FBXO31: variants seen among roughly 807,000 people sequenced by gnomAD.
FBXO31 encodes F-box protein 31.
FBXO31 carries 24 observed loss-of-function variants against 54.4 expected under a neutral mutation model. The observed-to-expected ratio is 0.44, with a 90% CI of 0.32 to 0.62. The LOEUF is 0.62. Ranked by LOEUF, FBXO31 falls within the 20% of genes least tolerant of loss-of-function variation. The pLI, the probability that FBXO31 is intolerant of heterozygous loss-of-function variation, is 0.05. For synonymous variants in FBXO31, 388 were observed against 335.6 expected (o/e 1.16, Z -1.71); for missense variants, 665 against 787.1 (o/e 0.84, Z 1.86).
Position 87,331,344 on chromosome 16 carries a change from G to A in FBXO31, c.1564C>T (p.Pro522Ser). 1.9e-6 allele frequency: 3 copies of A among 1,614,034 alleles called. No individual in the cohort carries two copies. Among genetic ancestry groups the A allele is most frequent in the Non-Finnish European group, 2.5e-6 (3 of 1,180,040 alleles). ...ATCTCATCGAAGGCCTGTGGGGACG[G>A]CGCATCTGCGTTCCGGAAGGTGGCC... ...VQATFRNADA[P>S]SPQAFDEMLK... Residue 522 changes from proline to serine, a missense_variant, in exon 9 of 9, where the codon CCG becomes TCG. Around this residue, in one of 4 missense-constraint regions of FBXO31, gnomAD observed 71 missense variants for 105.8 expected, o/e 0.67. Coordinates refer to ENST00000311635, the MANE Select transcript of FBXO31 (RefSeq NM_024735.5).
Position 87,334,173 on chromosome 16 carries a change from G to A in FBXO31, c.1110C>T (p.Val370=), listed in dbSNP as rs1329767926. ...GGCGCACCCTCTCGCGCACCTCCAG[G>A]ACGATGCGGGAGAGCTCATTGAAGT... ...QRNFNELSRI[V]LEVRERVRQE... The change falls in exon 8 of 9, where the codon GTC becomes GTT. Residue 370 remains valine (V), a synonymous_variant. Transcript: ENST00000311635. 2 of 1,612,872 alleles carry A rather than the reference G, an allele frequency of 1.2e-6. No homozygotes were observed. Among genetic ancestry groups the A allele is most frequent in the East Asian group, 4.5e-5 (2 of 44,872 alleles).
intron 2 of FBXO31, among the ~76,000 whole-genome samples, chr16:87,348,157 C>A (rs994979451): frequency 6.6e-6 from 1 of 152,188 alleles, no homozygotes; most frequent in Admixed American, 6.5e-5. Flanking sequence ...CACTGCCTCT[C>A]TCCACGACTC....
At chr16:87,391,251 G>A (rs1459590582), upstream of FBXO31, among the ~76,000 whole-genome samples, 3 of 152,116 alleles carry the variant, frequency 2.0e-5, no homozygotes, top group Non-Finnish European at 2.9e-5. Flanking sequence ...AGGCCGCCGC[G>A]AGCTATGATC....
rs760039419 is a variant in FBXO31, at chr16:87,360,280, AATAG to A, written c.412+11_412+14del. The A allele has an allele frequency of 3.7e-6, 6 of 1,612,502 alleles. No homozygotes were observed. In the Admixed American group the frequency reaches 1.0e-4, roughly 27 times the overall value. ...ACAAAGTTAATCATGGATGGTAACA[AATAG>A]ATTCACTCACGCTTCGCATAGACGT... On this transcript the variant is annotated intron_variant, in intron 2 of 8. Transcript: ENST00000311635.
At chr16:87,382,504 C>T (rs117725407) in intron 1 of FBXO31, among the ~76,000 whole-genome samples, 4,812 of 152,296 alleles carry the variant, frequency 0.032, 130 homozygotes, top group Middle Eastern at 0.12. Flanking sequence ...AACATCTCCT[C>T]CTGTGATCTG....
intron 3 of FBXO31, among the ~76,000 whole-genome samples, chr16:87,344,529 G>C (rs534281138): frequency 1.3e-5 from 2 of 152,342 alleles, no homozygotes; most frequent in Admixed American, 1.3e-4. Flanking sequence ...CAGCAACCAA[G>C]GAGAGAATTC....
At chr16:87,372,129 AAGG>A (rs1906630230) in intron 1 of FBXO31, among the ~76,000 whole-genome samples, 1 of 152,074 alleles carries the variant, frequency 6.6e-6, no homozygotes, top group African/African-American at 2.4e-5. Context: ...GAGGCTGAGG[AAGG>A]AGGATCATAT....
At position 87,333,878 on chromosome 16, in the gene FBXO31, A is replaced by G; in HGVS notation, c.1397+8T>C. The G allele has an allele frequency of 6.3e-7, 1 of 1,592,486 alleles. No individual in the cohort carries two copies. The highest frequency in any genetic ancestry group is 8.6e-7 in the Non-Finnish European group (1 of 1,167,268). The stretch of plus-strand genomic sequence containing the variant: ...ACCTTCAGGCCCCAGTACCCGCCGC[A>G]TCCTTACCACATCCTGCAGGTTCGG... On this transcript the variant is annotated splice_region_variant and intron_variant, in intron 8 of 8. Transcript: ENST00000311635.
rs115819786 is a variant in FBXO31 at position 87,328,402 on chromosome 16, C to T, written c.*2886G>A. On this transcript the variant is annotated 3_prime_UTR_variant, in exon 9 of 9. Transcript: ENST00000311635. Reference sequence around the variant, plus strand: ...GGCAGGGATGCCACAGAGCCGCAGGCAGACTGAAGGGGCCCAGGGCATGGT... The same window carrying T: ...GGCAGGGATGCCACAGAGCCGCAGGTAGACTGAAGGGGCCCAGGGCATGGT... 671 of 152,502 alleles carry T rather than the reference C, an allele frequency of 4.4e-3. 7 individuals carry two copies. The highest frequency in any genetic ancestry group is 0.016 in the African/African-American group (646 of 41,554). 9.4% of individuals were successfully genotyped at this position (152,502 alleles called of 1,614,324 possible).
intron 2 of FBXO31, among the ~76,000 whole-genome samples, chr16:87,354,277 G>C (rs1905797157): frequency 6.6e-6 from 1 of 151,944 alleles, no homozygotes; most frequent in African/African-American, 2.4e-5. Flanking sequence ...GTTCCAGACT[G>C]GCCTGGGTAA....
In FBXO31 at chr16:87,329,520, G is replaced by A. The variant is rs372600221; in HGVS notation, c.*1768C>T. 23 of 152,406 alleles carry A rather than the reference G, an allele frequency of 1.5e-4. No homozygotes were observed. The highest frequency in any genetic ancestry group is 5.0e-4 in the African/African-American group (21 of 41,586). 9.4% of individuals were successfully genotyped at this position (152,406 alleles called of 1,614,324 possible). The stretch of plus-strand genomic sequence containing the variant: ...AAGGTGCCAGTCTACATGCCCAACA[G>A]TCCTCCAGGCTTCAAGGCCACAGTC... On this transcript the variant is annotated 3_prime_UTR_variant, in exon 9 of 9. Coordinates refer to ENST00000311635, the MANE Select transcript of FBXO31 (RefSeq NM_024735.5).
chr16:87,355,247 A>G (rs1297525599), intron 2 of FBXO31, among the ~76,000 whole-genome samples: 2 of 152,232 alleles, frequency 1.3e-5, no homozygotes, highest in African/African-American at 4.8e-5. Flanking sequence ...AAAGGACTTC[A>G]ACACGACCAG....
intron 5 of FBXO31, among the ~76,000 whole-genome samples, chr16:87,337,911 C>A (rs1275073005): frequency 2.6e-5 from 4 of 151,528 alleles, no homozygotes; most frequent in Non-Finnish European, 4.4e-5. Flanking sequence ...CAGAAAATAA[C>A]CATAAAAGAA....
chr16:87,380,252 T>C (rs1907016704), intron 1 of FBXO31, among the ~76,000 whole-genome samples: 1 of 133,152 alleles, frequency 7.5e-6, no homozygotes, highest in African/African-American at 2.9e-5. Flanking sequence ...GAGCCAAGAA[T>C]GCACCACTGC....
Position 87,383,107 on chromosome 16 carries a change from C to G in FBXO31, c.340+298G>C, listed in dbSNP as rs1038469906. ...GCACGGCCTCGGCCCCGTGGTGTCC[C>G]GTGCCCCGCGTCAGGGCCTCTTCGA... On this transcript the variant is annotated intron_variant, in intron 1 of 8. Transcript: ENST00000311635. This position sits in a 1 kb window ranked among gnomAD's most constrained non-coding sequence, Gnocchi z 4.9. 6.6e-6 allele frequency among the ~76,000 whole-genome samples: 1 copy of G among 152,102 alleles called. No homozygotes were observed. Among genetic ancestry groups the G allele is most frequent in the Non-Finnish European group, 1.5e-5 (1 of 67,994 alleles).
At position 87,328,095 on chromosome 16, in the gene FBXO31, G is replaced by C. The variant is rs370678511; in HGVS notation, c.*3193C>G. The C allele has an allele frequency of 1.3e-5, 2 of 152,250 alleles. No homozygotes were observed. Among genetic ancestry groups the C allele is most frequent in the Non-Finnish European group, 2.9e-5 (2 of 68,078 alleles). 9.4% of individuals were successfully genotyped at this position (152,250 alleles called of 1,614,324 possible). A position where few individuals can be genotyped will look rare whatever the true frequency, so the allele number is the denominator to read the frequency against. On this transcript the variant is annotated 3_prime_UTR_variant, in exon 9 of 9. Transcript: ENST00000311635. ...TCTGCTGCTGTCCGTGACTGCCCACGAGCACTGAAAATGGCCTAACCGTGT... is the reference window on the plus strand; with the variant it reads ...TCTGCTGCTGTCCGTGACTGCCCACCAGCACTGAAAATGGCCTAACCGTGT...
intron 2 of FBXO31, among the ~76,000 whole-genome samples, chr16:87,357,448 G>T (rs1384488937): frequency 1.3e-5 from 2 of 150,498 alleles, no homozygotes; most frequent in Admixed American, 1.3e-4. Context: ...CCCCACCTCA[G>T]CCTCTGGGTA....
chr16:87,384,838 C>T (rs984946118), upstream of FBXO31, among the ~76,000 whole-genome samples: 6 of 152,162 alleles, frequency 3.9e-5, no homozygotes, highest in African/African-American at 1.4e-4. Context: ...TCAGCCTGGG[C>T]AACACAGCGT....
rs1907173213 is a variant in FBXO31, at chr16:87,383,394, C to CG, written c.340+10dup. 1 of 1,530,596 alleles carries CG rather than the reference C, an allele frequency of 6.5e-7. No individual in the cohort carries two copies. The highest frequency in any genetic ancestry group is 1.4e-5 in the African/African-American group (1 of 70,112). The allele number at this position is 1,530,596 out of a possible 1,614,324, so 94.8% of individuals were successfully genotyped here. On this transcript the variant is annotated intron_variant, in intron 1 of 8. Coordinates refer to ENST00000311635, the MANE Select transcript of FBXO31 (RefSeq NM_024735.5). The surrounding 1 kb of genome is among the most constrained non-coding windows in gnomAD (Gnocchi z 4.9). ...CCGCCCCTCCCGGCCCCGCCACCCC[C>CG]GCGCGCTCACCCTCACGGCAACGCC...
Sources: gnomAD v4.1 joint callset for allele counts (sites outside exome capture counted in the v4.1 genomes callset) on GRCh38, gnomAD v4.1.1 for gene constraint, gnomAD v4.1.1 regional missense constraint, Gnocchi (gnomAD v3.1) non-coding constraint, MANE v1.5 for transcripts, NCBI Gene and HGNC (gene_info 2026-07-23, HGNC 2026-07-21) for gene names.